PSEN1: variants seen among roughly 807,000 people sequenced by gnomAD.
The protein encoded by PSEN1 is presenilin-1.
A neutral mutation model predicts 53.5 loss-of-function variants in PSEN1; 15 were observed. The ratio of observed to expected loss-of-function variants is 0.28; its 90% CI spans 0.19 to 0.43. The LOEUF (loss-of-function observed/expected upper bound fraction) is 0.43, where lower values mean the gene tolerates loss of function less well. Among genes scored for constraint, PSEN1 ranks in the 20% least tolerant of loss-of-function variants. The pLI is 1.00. For synonymous variants in PSEN1, 208 were observed against 209.8 expected, an observed-to-expected ratio of 0.99 and a Z score of 0.08; for missense variants, 387 against 571.2, an observed-to-expected ratio of 0.68 and a Z score of 3.29.
chr14:73,162,939 A>C (rs1432714912), intron 3 of PSEN1, among the ~76,000 whole-genome samples: 4 of 152,184 alleles, frequency 2.6e-5, no homozygotes, highest in Non-Finnish European at 5.9e-5. Flanking sequence ...CTTTGAGACC[A>C]TGTGAATGTT....
chr14:73,152,635 T>G (rs947884948), intron 3 of PSEN1, among the ~76,000 whole-genome samples: 2 of 151,740 alleles, frequency 1.3e-5, no homozygotes, highest in African/African-American at 4.8e-5. Context: ...CCACAAAAGC[T>G]CGGTAGCATG....
At chr14:73,197,439 CAA>C (rs1006250994) in intron 7 of PSEN1, among the ~76,000 whole-genome samples, 54 of 152,246 alleles carry the variant, frequency 3.5e-4, no homozygotes, top group African/African-American at 1.2e-3. Flanking sequence ...CTTTATCTCG[CAA>C]AGAGTTATTA....
intron 5 of PSEN1, among the ~76,000 whole-genome samples, chr14:73,179,309 C>T (rs1462902983): frequency 6.6e-6 from 1 of 152,026 alleles, no homozygotes; most frequent in Non-Finnish European, 1.5e-5. Flanking sequence ...ACTGGGCATA[C>T]GAGAATGGAG....
chr14:73,186,964 T>G (rs1169334864), intron 6 of PSEN1, 44 bp downstream of exon 6: 2 of 1,416,284 alleles, frequency 1.4e-6, no homozygotes, highest in Non-Finnish European at 2.0e-6. Flanking sequence ...ATTAACTACC[T>G]TTGTGCTGTG....
At chr14:73,208,886 T>G in intron 9 of PSEN1, 1 of 454,928 alleles carries the variant, frequency 2.2e-6, no homozygotes, top group Non-Finnish European at 4.4e-6. Context: ...ACCCAGGCTG[T>G]TCATGCCAAA....
chr14:73,179,264 C>A lies in PSEN1; in HGVS notation c.480+5557C>A, dbSNP rs182871752. The stretch of plus-strand genomic sequence containing the variant: ...CTCCCTCTGAATTTTAGGCTTCTGC[C>A]ACCCACATTACCATCACCACAGGAT... On this transcript the variant is annotated intron_variant, in intron 5 of 11. Coordinates refer to ENST00000324501, the MANE Select transcript of PSEN1 (RefSeq NM_000021.4). Among the ~76,000 whole-genome samples the A allele has an allele frequency of 3.2e-3, 480 of 152,284 alleles. 2 individuals are homozygous for A. The highest frequency in any genetic ancestry group is 8.8e-3 in the African/African-American group (364 of 41,562).
intron 5 of PSEN1, among the ~76,000 whole-genome samples, chr14:73,177,954 A>G (rs1030963112): frequency 1.3e-5 from 2 of 148,942 alleles, no homozygotes. Context: ...TTTCTGTACC[A>G]CATTCTTTAC....
At chr14:73,217,375 A>G in intron 11 of PSEN1, 131 bp downstream of exon 11, 3 of 1,023,884 alleles carry the variant, frequency 2.9e-6, no homozygotes, top group East Asian at 2.5e-5. Flanking sequence ...GCTTTTTGAT[A>G]ATTGGACCTC....
At chr14:73,143,988 TAAAAA>T (rs530235019) in intron 1 of PSEN1, among the ~76,000 whole-genome samples, 10 of 53,198 alleles carry the variant, frequency 1.9e-4, no homozygotes, top group African/African-American at 7.2e-4. Flanking sequence ...CCTTGTCTCT[TAAAAA>T]AAAAAAAAAA....
At chr14:73,175,272 G>A (rs1302950622) in intron 5 of PSEN1, among the ~76,000 whole-genome samples, 3 of 152,104 alleles carry the variant, frequency 2.0e-5, no homozygotes, top group South Asian at 4.2e-4. Flanking sequence ...GATTACAGGC[G>A]CCTGCCACCA....
At chr14:73,188,835 C>T (rs1566639740) in intron 6 of PSEN1, among the ~76,000 whole-genome samples, 1 of 152,104 alleles carries the variant, frequency 6.6e-6, no homozygotes, top group Admixed American at 6.6e-5. Context: ...GTCATCCAGG[C>T]TGGAGTGCAA....
chr14:73,179,157 GGGA>G lies in PSEN1; in HGVS notation c.480+5455_480+5457del, dbSNP rs537575886. Among the ~76,000 whole-genome samples the G allele has an allele frequency of 1.1e-4, 17 of 152,276 alleles. No homozygotes were observed. In the East Asian group the frequency reaches 2.7e-3, roughly 24 times the overall value. Reference sequence around the variant, plus strand: ...CTTCCTAAAGTCAGGGCCAAAATGTGGGAGGAGAGAGAGAAATAAAGCAAGGGC... The same window carrying G: ...CTTCCTAAAGTCAGGGCCAAAATGTGGGAGAGAGAGAAATAAAGCAAGGGC... On this transcript the variant is annotated intron_variant, in intron 5 of 11. Transcript: ENST00000324501.
At chr14:73,169,956 C>A (rs1348560038) in intron 3 of PSEN1, among the ~76,000 whole-genome samples, 1 of 152,154 alleles carries the variant, frequency 6.6e-6, no homozygotes, top group East Asian at 1.9e-4. Flanking sequence ...ATATGCTAAA[C>A]AAGGGGTGGA....
chr14:73,166,380 G>C (rs183641187), intron 3 of PSEN1, among the ~76,000 whole-genome samples: 1 of 152,314 alleles, frequency 6.6e-6, no homozygotes, highest in East Asian at 1.9e-4. Context: ...TCCTACCTCT[G>C]CTGTTTTCTG....
intron 10 of PSEN1, among the ~76,000 whole-genome samples, chr14:73,215,713 A>G (rs1899885826): frequency 6.6e-6 from 1 of 152,180 alleles, no homozygotes; most frequent in Non-Finnish European, 1.5e-5. Flanking sequence ...TTCTACCAAA[A>G]GAGATATATA....
At chr14:73,171,625 G>A (rs1459477416) in intron 4 of PSEN1, among the ~76,000 whole-genome samples, 1 of 152,186 alleles carries the variant, frequency 6.6e-6, no homozygotes, top group East Asian at 1.9e-4. Flanking sequence ...CTACTGACTA[G>A]GGTTAGACTG....
At chr14:73,189,353 G>A (rs1452695726) in intron 6 of PSEN1, among the ~76,000 whole-genome samples, 1 of 152,222 alleles carries the variant, frequency 6.6e-6, no homozygotes, top group Non-Finnish European at 1.5e-5. Flanking sequence ...GCTCATGCCT[G>A]TAATCCCAGC....
chr14:73,163,124 C>T (rs1480557639), intron 3 of PSEN1, among the ~76,000 whole-genome samples: 2 of 152,054 alleles, frequency 1.3e-5, no homozygotes, highest in Admixed American at 6.5e-5. Context: ...AAATGGAAGC[C>T]GACAATTGAT....
At position 73,221,980 on chromosome 14, in the gene PSEN1, A is replaced by G. The variant is rs970373494; in HGVS notation, c.*2691A>G. Reference sequence around the variant, plus strand: ...ACAGTAAGGAAGGAAAGTAGCCACTAAGAGTCTGAGTCTGACTGGGCTACA... The same window carrying G: ...ACAGTAAGGAAGGAAAGTAGCCACTGAGAGTCTGAGTCTGACTGGGCTACA... On this transcript the variant is annotated 3_prime_UTR_variant, in exon 12 of 12. Transcript: ENST00000324501. The G allele has an allele frequency of 6.6e-6, 1 of 152,254 alleles. No individual in the cohort carries two copies. The highest frequency in any genetic ancestry group is 2.4e-5 in the African/African-American group (1 of 41,460). 9.4% of individuals were successfully genotyped at this position (152,254 alleles called of 1,614,324 possible).
Sources: allele counts gnomAD v4.1 joint callset (sites outside exome capture counted in the v4.1 genomes callset), GRCh38; gene constraint gnomAD v4.1.1; transcripts MANE v1.5; gene names NCBI Gene and HGNC (gene_info 2026-07-23, HGNC 2026-07-21).